Variants in SLC8A1 observed in about 807,000 individuals in gnomAD.
The protein encoded by SLC8A1 is sodium/calcium exchanger 1.
Under a neutral mutation model 68.3 loss-of-function variants are expected in SLC8A1, and 18 were observed. The ratio of observed to expected loss-of-function variants is 0.26; its 90% CI spans 0.18 to 0.39. SLC8A1 has a LOEUF of 0.39. SLC8A1 is among the 10% of genes least tolerant of loss of function. The pLI is 1.00. For missense variants in SLC8A1, 985 were observed against 1,156.7 expected, an observed-to-expected ratio of 0.85 and a Z score of 2.15; for synonymous variants, 475 against 415.5, an observed-to-expected ratio of 1.14 and a Z score of -1.74.
At chr2:40,279,470 T>G (rs1223800131) in intron 2 of SLC8A1, among the ~76,000 whole-genome samples, 1 of 152,182 alleles carries the variant, frequency 6.6e-6, no homozygotes, top group Non-Finnish European at 1.5e-5. Flanking sequence ...GAGAAGTGAT[T>G]AGAATAATAT....
intron 4 of SLC8A1, among the ~76,000 whole-genome samples, chr2:40,168,159 A>G (rs188702653): frequency 3.0e-4 from 45 of 152,280 alleles, no homozygotes; most frequent in Non-Finnish European, 5.6e-4. Flanking sequence ...GGAATAGACA[A>G]TGGGCAACTT....
At chr2:40,508,892 T>C (rs1269720987) in intron 1 of SLC8A1, among the ~76,000 whole-genome samples, 1 of 152,148 alleles carries the variant, frequency 6.6e-6, no homozygotes, top group African/African-American at 2.4e-5. Flanking sequence ...AAATTACCCT[T>C]GTCTGGACCC....
At chr2:40,486,282 T>C (rs1278555437) in intron 1 of SLC8A1, among the ~76,000 whole-genome samples, 1 of 152,200 alleles carries the variant, frequency 6.6e-6, no homozygotes, top group African/African-American at 2.4e-5. Flanking sequence ...ATGTCTTTAT[T>C]AGCAGCATGA....
chr2:40,115,548 A>C (rs986324456), exon 8 of SLC8A1: 1 of 1,613,996 alleles, frequency 6.2e-7, no homozygotes. Context: ...GAAGACATTC[A>C]CCGCGTTGCT....
At chr2:40,255,747 A>T (rs1247657910) in intron 2 of SLC8A1, among the ~76,000 whole-genome samples, 2 of 152,222 alleles carry the variant, frequency 1.3e-5, no homozygotes, top group Non-Finnish European at 2.9e-5. Context: ...TTAAGGGTAG[A>T]CTATCACGGT....
At chr2:40,248,474 C>G (rs976085795) in intron 2 of SLC8A1, among the ~76,000 whole-genome samples, 4 of 152,100 alleles carry the variant, frequency 2.6e-5, no homozygotes, top group Admixed American at 2.0e-4. Context: ...GTCTATGAAT[C>G]AGGAAATTGT....
At chr2:40,256,533 G>T (rs2063949752) in intron 2 of SLC8A1, among the ~76,000 whole-genome samples, 1 of 152,168 alleles carries the variant, frequency 6.6e-6, no homozygotes, top group South Asian at 2.1e-4. Context: ...GTGTTCTACT[G>T]GACGCATTTA....
intron 2 of SLC8A1, among the ~76,000 whole-genome samples, chr2:40,388,807 C>A (rs867005942): frequency 5.9e-5 from 9 of 151,964 alleles, no homozygotes; most frequent in Admixed American, 1.3e-4. Context: ...GTAAATAAAT[C>A]AAAAAGCAAG....
intron 2 of SLC8A1, among the ~76,000 whole-genome samples, chr2:40,317,049 C>G (rs779557367): frequency 6.6e-6 from 1 of 152,022 alleles, no homozygotes; most frequent in African/African-American, 2.4e-5. Context: ...TTGTGTTAAA[C>G]TAATAGCATT....
chr2:40,242,422 G>A (rs2061343341), intron 2 of SLC8A1, among the ~76,000 whole-genome samples: 1 of 152,110 alleles, frequency 6.6e-6, no homozygotes, highest in South Asian at 2.1e-4. Context: ...GTCCTGGATT[G>A]CCTGCCATGC....
chr2:40,154,686 G>GAGTT (rs2044133334), intron 6 of SLC8A1, among the ~76,000 whole-genome samples: 1 of 151,644 alleles, frequency 6.6e-6, no homozygotes, highest in South Asian at 2.1e-4. Context: ...TTTGTTTTTG[G>GAGTT]AGTTAGGGTC....
intron 1 of SLC8A1, among the ~76,000 whole-genome samples, chr2:40,491,698 G>A (rs1350297790): frequency 6.6e-6 from 1 of 152,132 alleles, no homozygotes; most frequent in African/African-American, 2.4e-5. Flanking sequence ...AAGAGTTGTT[G>A]AATTTTGTCA....
At chr2:40,481,152 C>G (rs1434065137) in intron 1 of SLC8A1, among the ~76,000 whole-genome samples, 2 of 151,962 alleles carry the variant, frequency 1.3e-5, no homozygotes, top group Non-Finnish European at 2.9e-5. Context: ...TTTGTGCATC[C>G]ATGTGCACAC....
At chr2:40,420,545 A>T (rs1695205928) in intron 2 of SLC8A1, among the ~76,000 whole-genome samples, 1 of 152,178 alleles carries the variant, frequency 6.6e-6, no homozygotes, top group Non-Finnish European at 1.5e-5. Flanking sequence ...TGAGAGAAAA[A>T]AGCCAAAACC....
In SLC8A1 at chr2:40,310,786, C is replaced by T. The variant is rs369604445; in HGVS notation, c.1808+117687G>A. ...ACAATAGCTCACTGCCATGGGACCACGGCATGGGATCCCAACAGATGGATC... is the reference window on the plus strand; with the variant it reads ...ACAATAGCTCACTGCCATGGGACCATGGCATGGGATCCCAACAGATGGATC... On this transcript the variant is annotated intron_variant, in intron 2 of 7. Transcript: ENST00000406785. Among the ~76,000 whole-genome samples the T allele has an allele frequency of 2.0e-4, 30 of 152,232 alleles. No homozygotes were observed. In the East Asian group the frequency reaches 4.1e-3, roughly 21 times the overall value.
intron 7 of SLC8A1, among the ~76,000 whole-genome samples, chr2:40,122,762 T>C (rs1276747038): frequency 1.3e-5 from 2 of 152,208 alleles, no homozygotes; most frequent in Non-Finnish European, 2.9e-5. Flanking sequence ...GAGGTAATGA[T>C]GTATGGAATG....
At chr2:40,142,415 A>T in intron 6 of SLC8A1, among the ~76,000 whole-genome samples, 1 of 152,312 alleles carries the variant, frequency 6.6e-6, no homozygotes, top group East Asian at 1.9e-4. Context: ...TTTTCTAGTT[A>T]TATTTATTTT....
At chr2:40,234,062 G>C (rs2060036317) in intron 2 of SLC8A1, among the ~76,000 whole-genome samples, 1 of 152,174 alleles carries the variant, frequency 6.6e-6, no homozygotes, top group African/African-American at 2.4e-5. Context: ...TTTTGGCTTA[G>C]GACTGACTTG....
chr2:40,179,539 T>TTAC, intron 2 of SLC8A1, among the ~76,000 whole-genome samples: 1 of 152,162 alleles, frequency 6.6e-6, no homozygotes, highest in Non-Finnish European at 1.5e-5. Flanking sequence ...AACTAACTTA[T>TTAC]TAGAAGCCTC....
Sources: gnomAD v4.1 joint callset for allele counts (sites outside exome capture counted in the v4.1 genomes callset) on GRCh38, gnomAD v4.1.1 for gene constraint, MANE v1.5 for transcripts, NCBI Gene and HGNC (gene_info 2026-07-23, HGNC 2026-07-21) for gene names.